PAPPA2: variants seen among roughly 807,000 people sequenced by gnomAD.
PAPPA2 encodes pappalysin-2.
In PAPPA2, 86 loss-of-function variants were observed where a neutral mutation model predicts 176.4. The ratio of observed to expected loss-of-function variants is 0.49; its 90% CI spans 0.41 to 0.58. The LOEUF (loss-of-function observed/expected upper bound fraction) is 0.58. Among genes scored for constraint, PAPPA2 ranks in the 20% least tolerant of loss-of-function variants. PAPPA2 has a pLI of 0.00. For synonymous variants in PAPPA2, 809 were observed against 852.2 expected (o/e 0.95, Z 0.88); for missense variants, 2,073 against 2,256.9 (o/e 0.92, Z 1.65).
chr1:176,803,056 C>T (rs1050114384), intron 21 of PAPPA2, among the ~76,000 whole-genome samples: 8 of 152,098 alleles, frequency 5.3e-5, no homozygotes, highest in Non-Finnish European at 1.2e-4. Context: ...TTGTTGCTTG[C>T]ATTTGGCCTT....
intron 14 of PAPPA2, among the ~76,000 whole-genome samples, chr1:176,755,421 G>A (rs1402630569): frequency 2.6e-5 from 4 of 152,194 alleles, no homozygotes; most frequent in African/African-American, 9.6e-5. Context: ...TTCTAGGAGT[G>A]ACACAGTCTG....
At chr1:176,712,581 A>G (rs912563422) in intron 12 of PAPPA2, among the ~76,000 whole-genome samples, 1 of 152,228 alleles carries the variant, frequency 6.6e-6, no homozygotes, top group Non-Finnish European at 1.5e-5. Flanking sequence ...ATATTTAACC[A>G]TTCTAATATT....
chr1:176,652,163 A>AT (rs377198899), intron 3 of PAPPA2, among the ~76,000 whole-genome samples: 6 of 149,434 alleles, frequency 4.0e-5, no homozygotes, highest in Non-Finnish European at 8.9e-5. Flanking sequence ...TGTTTTGTTC[A>AT]TTTTTGGGGG....
At chr1:176,537,000 A>C (rs1015882386) in intron 1 of PAPPA2, among the ~76,000 whole-genome samples, 6 of 152,184 alleles carry the variant, frequency 3.9e-5, no homozygotes, top group African/African-American at 1.4e-4. Flanking sequence ...TAGACATAGC[A>C]TTTGGTAGAG....
chr1:176,776,680 A>G (rs1664472551), intron 17 of PAPPA2, among the ~76,000 whole-genome samples: 1 of 152,026 alleles, frequency 6.6e-6, no homozygotes, highest in Non-Finnish European at 1.5e-5. Context: ...AAAAGCTTAA[A>G]GGCTGGGCTC....
chr1:176,749,754 C>T (rs1361441404), intron 14 of PAPPA2, among the ~76,000 whole-genome samples: 1 of 152,188 alleles, frequency 6.6e-6, no homozygotes, highest in African/African-American at 2.4e-5. Context: ...TAGCTTCTTT[C>T]ACATTGTTAT....
At chr1:176,829,224 T>C (rs16850236) in intron 21 of PAPPA2, among the ~76,000 whole-genome samples, 12,226 of 151,562 alleles carry the variant, frequency 0.081, 519 homozygotes, top group African/African-American at 0.092. Flanking sequence ...CTCAATGTAC[T>C]TGATTGCTGA....
At chr1:176,519,703 T>A (rs984986166) in intron 1 of PAPPA2, among the ~76,000 whole-genome samples, 4 of 152,202 alleles carry the variant, frequency 2.6e-5, no homozygotes, top group Admixed American at 2.6e-4. Flanking sequence ...CCTGTCCACA[T>A]AATTAATCAC....
At position 176,700,636 on chromosome 1, in the gene PAPPA2, C is replaced by T. The variant is rs115590550; in HGVS notation, c.3236+1047C>T. On this transcript the variant is annotated intron_variant, in intron 8 of 22. Coordinates refer to ENST00000367662, the MANE Select transcript of PAPPA2 (RefSeq NM_020318.3). Reference sequence around the variant, plus strand: ...GAAGGGTTTCCAGCAGCAGAGAGGGCAAGCCCCAAATGCTTACACTTTTCA... The same window carrying T: ...GAAGGGTTTCCAGCAGCAGAGAGGGTAAGCCCCAAATGCTTACACTTTTCA... Among the ~76,000 whole-genome samples, 1,185 of 152,296 alleles carry T rather than the reference C, an allele frequency of 7.8e-3. 9 individuals carry two copies. Among genetic ancestry groups the T allele is most frequent in the Non-Finnish European group, 0.013 (851 of 68,020 alleles).
rs1226146337 is a variant in PAPPA2, at chr1:176,623,576, C to CTTCCTTCCTTCCT, written c.1991+27982_1991+27983insTCCTTCCTTCCTT. On this transcript the variant is annotated intron_variant, in intron 3 of 22. Transcript: ENST00000367662. ...ATTTTCCCCTTCCTTCCTTCCTTCC[C>CTTCCTTCCTTCCT]TCCTTCCTTCCTTCCTTCCTTCCTT... 6.8e-4 allele frequency among the ~76,000 whole-genome samples: 58 copies of CTTCCTTCCTTCCT among 84,984 alleles called. 1 individual carries two copies. The highest frequency in any genetic ancestry group is 3.4e-3 in the African/African-American group (53 of 15,780). The allele number at this position is 84,984 out of a possible 152,430, so 55.8% of individuals were successfully genotyped here.
In PAPPA2 at chr1:176,842,518, A is replaced by G; in HGVS notation, c.*64A>G. ...AGTAAGAAAGAGAGGCCGACCCAGGAGGAAACAAAGGGTGAATGAAGAAGA... is the reference window on the plus strand; with the variant it reads ...AGTAAGAAAGAGAGGCCGACCCAGGGGGAAACAAAGGGTGAATGAAGAAGA... On this transcript the variant is annotated 3_prime_UTR_variant, in exon 23 of 23. Transcript: ENST00000367662. 1 of 1,373,712 alleles carries G rather than the reference A, an allele frequency of 7.3e-7. No individual in the cohort carries two copies. Among genetic ancestry groups the G allele is most frequent in the Non-Finnish European group, 1.0e-6 (1 of 968,022 alleles). The allele number at this position is 1,373,712 out of a possible 1,614,324, so 85.1% of individuals were successfully genotyped here.
At chr1:176,809,009 C>T (rs1410089351) in intron 21 of PAPPA2, among the ~76,000 whole-genome samples, 1 of 151,006 alleles carries the variant, frequency 6.6e-6, no homozygotes, top group Non-Finnish European at 1.5e-5. Context: ...GTGAGAATAT[C>T]CTAAAAGTGT....
At chr1:176,530,759 A>C (rs1015293517) in intron 1 of PAPPA2, among the ~76,000 whole-genome samples, 1 of 152,208 alleles carries the variant, frequency 6.6e-6, no homozygotes, top group Non-Finnish European at 1.5e-5. Context: ...GATAAATTAC[A>C]TGAGTTGGAA....
At chr1:176,630,709 G>A (rs921591620) in intron 3 of PAPPA2, among the ~76,000 whole-genome samples, 1 of 152,232 alleles carries the variant, frequency 6.6e-6, no homozygotes, top group Admixed American at 6.5e-5. Flanking sequence ...GGCTCTGATA[G>A]AGGGTCTGAT....
chr1:176,606,091 A>T (rs1654596891), intron 3 of PAPPA2, among the ~76,000 whole-genome samples: 1 of 151,694 alleles, frequency 6.6e-6, no homozygotes, highest in South Asian at 2.1e-4. Context: ...ACACATATAT[A>T]TATAATTATA....
At chr1:176,752,299 A>T (rs1277039416) in intron 14 of PAPPA2, among the ~76,000 whole-genome samples, 18 of 138,092 alleles carry the variant, frequency 1.3e-4, no homozygotes, top group Admixed American at 2.2e-4. Context: ...ATATGTAACT[A>T]ACCTGCACAA....
At chr1:176,773,020 C>G (rs141991472) in intron 17 of PAPPA2, among the ~76,000 whole-genome samples, 2 of 152,140 alleles carry the variant, frequency 1.3e-5, no homozygotes, top group African/African-American at 4.8e-5. Context: ...CATGTCTCAG[C>G]TTTATGTTGG....
At chr1:176,767,954 G>A (rs901711172) in intron 15 of PAPPA2, among the ~76,000 whole-genome samples, 1 of 152,210 alleles carries the variant, frequency 6.6e-6, no homozygotes. Flanking sequence ...CTTCTGGCAA[G>A]CAATGGAGAA....
At chr1:176,674,568 A>G (rs1659183474) in intron 4 of PAPPA2, among the ~76,000 whole-genome samples, 1 of 152,072 alleles carries the variant, frequency 6.6e-6, no homozygotes, top group South Asian at 2.1e-4. Context: ...AGCTCCATCT[A>G]GGTTGCTGCA....
Sources: allele counts gnomAD v4.1 joint callset (sites outside exome capture counted in the v4.1 genomes callset), GRCh38; gene constraint gnomAD v4.1.1; transcripts MANE v1.5; gene names NCBI Gene and HGNC (gene_info 2026-07-23, HGNC 2026-07-21).